The following EMSY variants were observed in gnomAD, a reference collection of about 807,000 sequenced individuals.
EMSY encodes the protein BRCA2-interacting transcriptional repressor EMSY.
In EMSY, 26 loss-of-function variants were observed where a neutral mutation model predicts 134.6. The observed-to-expected ratio is 0.19, with a 90% confidence interval of 0.14 to 0.27. EMSY has a LOEUF of 0.27. Among genes scored for constraint, EMSY ranks in the 10% least tolerant of loss-of-function variants. The probability of loss-of-function intolerance (pLI) is 1.00; values close to 1 mark genes in which losing one functional copy is unlikely to be tolerated. For synonymous variants in EMSY, 579 were observed against 577.8 expected (o/e 1.00, Z -0.03); for missense variants, 1,305 against 1,611.4 (o/e 0.81, Z 3.26).
chr11:76,494,008 G>C (rs1434160687), intron 8 of EMSY, among the ~76,000 whole-genome samples: 1 of 152,234 alleles, frequency 6.6e-6, no homozygotes, highest in African/African-American at 2.4e-5. Context: ...CCAAGCTTTC[G>C]GGCGCCACTG....
At chr11:76,516,181 C>T (rs751699479) in exon 11 of EMSY, 2 of 1,613,826 alleles carry the variant, frequency 1.2e-6, no homozygotes, top group African/African-American at 1.3e-5. Context: ...GTGAGCCCAT[C>T]CATTGGTCGG....
At chr11:76,519,065 C>CT (rs149817617) in intron 11 of EMSY, among the ~76,000 whole-genome samples, 1,464 of 136,364 alleles carry the variant, frequency 0.011, 24 homozygotes, top group African/African-American at 0.028. Context: ...TGATTCATAT[C>CT]TTTTTTTTTT....
At chr11:76,518,841 G>T (rs1417345531) in intron 11 of EMSY, among the ~76,000 whole-genome samples, 1 of 129,326 alleles carries the variant, frequency 7.7e-6, no homozygotes, top group Admixed American at 8.4e-5. Context: ...CAAGTTTTAG[G>T]TTACTTATAG....
chr11:76,499,212 C>T (rs767045449), intron 9 of EMSY, among the ~76,000 whole-genome samples: 7 of 151,568 alleles, frequency 4.6e-5, no homozygotes, highest in East Asian at 1.9e-4. Flanking sequence ...CCGCCCACCT[C>T]AGCCTTCCAA....
At chr11:76,495,739 A>AATATTTC (rs1366338264) in intron 8 of EMSY, among the ~76,000 whole-genome samples, 3 of 152,178 alleles carry the variant, frequency 2.0e-5, no homozygotes, top group Non-Finnish European at 4.4e-5. Flanking sequence ...ATCTTGTTCA[A>AATATTTC]AAGATGAATG....
chr11:76,508,822 C>T (rs898419373), intron 9 of EMSY, among the ~76,000 whole-genome samples: 1 of 152,198 alleles, frequency 6.6e-6, no homozygotes, highest in African/African-American at 2.4e-5. Context: ...GAACCAACCT[C>T]TGCTAGCTTC....
At chr11:76,530,570 A>G (rs963148777) in intron 14 of EMSY, among the ~76,000 whole-genome samples, 1 of 152,212 alleles carries the variant, frequency 6.6e-6, no homozygotes, top group Non-Finnish European at 1.5e-5. Flanking sequence ...CAAAACTGCA[A>G]TTACTTTTGC....
intron 11 of EMSY, among the ~76,000 whole-genome samples, chr11:76,519,995 A>C (rs1950587591): frequency 6.6e-6 from 1 of 152,144 alleles, no homozygotes; most frequent in Non-Finnish European, 1.5e-5. Flanking sequence ...AAACAAGTGA[A>C]CTTGTATAAT....
At chr11:76,540,846 T>C (rs1420154184) in intron 17 of EMSY, among the ~76,000 whole-genome samples, 1 of 152,196 alleles carries the variant, frequency 6.6e-6, no homozygotes, top group Non-Finnish European at 1.5e-5. Context: ...TTTACAGATA[T>C]ATTGTATTTT....
intron 12 of EMSY, among the ~76,000 whole-genome samples, chr11:76,524,645 A>G (rs972871513): frequency 6.6e-6 from 1 of 152,244 alleles, no homozygotes; most frequent in Non-Finnish European, 1.5e-5. Context: ...TCCAAGAGTC[A>G]TGTATGATTC....
At chr11:76,508,414 G>C (rs1236601945) in intron 9 of EMSY, among the ~76,000 whole-genome samples, 1 of 151,736 alleles carries the variant, frequency 6.6e-6, no homozygotes, top group African/African-American at 2.4e-5. Flanking sequence ...GCTGTGAACA[G>C]ATGTGGTGTC....
At chr11:76,481,910 T>G (rs1948996376) in intron 8 of EMSY, among the ~76,000 whole-genome samples, 2 of 152,196 alleles carry the variant, frequency 1.3e-5, no homozygotes, top group South Asian at 4.1e-4. Context: ...AGGGACAGAC[T>G]GCCTCCTCAA....
chr11:76,447,638 G>T (rs1458578997), intron 2 of EMSY, among the ~76,000 whole-genome samples: 3 of 152,184 alleles, frequency 2.0e-5, no homozygotes, highest in Non-Finnish European at 2.9e-5. Flanking sequence ...TTGAGGGAAA[G>T]AATTAAACCC....
rs2136163470 is a variant in EMSY at position 76,516,125 on chromosome 11, CT to C, written c.1514-13del. The C allele has an allele frequency of 6.2e-7, 1 of 1,601,216 alleles. No homozygotes were observed. The highest frequency in any genetic ancestry group is 8.5e-7 in the Non-Finnish European group (1 of 1,173,386). On this transcript the variant is annotated splice_polypyrimidine_tract_variant and intron_variant, in intron 10 of 20. Coordinates refer to ENST00000334736, the Ensembl canonical transcript of EMSY. ...AAGCAATGACAAGTTTTTCTTTTGG[CT>C]TTTCCCTTTCTGTAGGCACACAAGC...
Position 76,542,753 on chromosome 11 carries a change from GTT to G in EMSY, c.2709+400_2709+401del, listed in dbSNP as rs1555077830. ...GTTTGTAGTTTGTTTTTCGTTTTTT[GTT>G]TTTTTTTTTTTTTGCTTTTATAATG... On this transcript the variant is annotated intron_variant, in intron 18 of 20. Transcript: ENST00000334736. 1.2e-3 allele frequency among the ~76,000 whole-genome samples: 135 copies of G among 109,238 alleles called. 2 individuals are homozygous for G. The highest frequency in any genetic ancestry group is 2.2e-3 in the Non-Finnish European group (116 of 53,112). The allele number at this position is 109,238 out of a possible 152,430, so 71.7% of individuals were successfully genotyped here.
intron 18 of EMSY, among the ~76,000 whole-genome samples, chr11:76,542,751 T>C (rs1194121884): frequency 6.9e-6 from 1 of 145,158 alleles, no homozygotes; most frequent in African/African-American, 2.8e-5. Context: ...TTTTCGTTTT[T>C]TGTTTTTTTT....
intron 4 of EMSY, among the ~76,000 whole-genome samples, chr11:76,455,130 T>C (rs1013224173): frequency 6.6e-6 from 1 of 152,150 alleles, no homozygotes; most frequent in African/African-American, 2.4e-5. Context: ...CTATTTGACC[T>C]CTCCCTTTCC....
At chr11:76,545,968 A>G (rs184415670) in exon 20 of EMSY, 206 of 1,614,192 alleles carry the variant, frequency 1.3e-4, no homozygotes, top group Admixed American at 3.3e-4. Context: ...AGTGTCTGAC[A>G]TTTTGAAAAT....
chr11:76,528,345 A>G, exon 14 of EMSY: 1 of 1,613,716 alleles, frequency 6.2e-7, no homozygotes, highest in African/African-American at 1.3e-5. Flanking sequence ...TAACAGAAAC[A>G]TTACAGCAAG....
Sources: gnomAD v4.1 joint callset for allele counts (sites outside exome capture counted in the v4.1 genomes callset) on GRCh38, gnomAD v4.1.1 for gene constraint, MANE v1.5 for transcripts, NCBI Gene and HGNC (gene_info 2026-07-23, HGNC 2026-07-21) for gene names.